CCDC110: variants seen among roughly 807,000 people sequenced by gnomAD.
CCDC110 encodes the protein coiled-coil domain-containing protein 110.
Under a neutral mutation model 77.1 loss-of-function variants are expected in CCDC110, and 70 were observed. The ratio of observed to expected loss-of-function variants is 0.91; its 90% CI spans 0.75 to 1.11. The LOEUF is 1.11. Among genes scored for constraint, CCDC110 ranks in the 50% least tolerant of loss-of-function variants. CCDC110 has a pLI of 0.00. For missense variants in CCDC110, 868 were observed against 942.9 expected (o/e 0.92, Z 1.04); for synonymous variants, 295 against 312.5 (o/e 0.94, Z 0.59).
chr4:185,468,779 C>G lies in CCDC110; in HGVS notation c.115+2166G>C, dbSNP rs73012194. ...CTGCCACTCCAAATATTCCTCCCCCCCTTCTCAGCCTTATGTTCTCCATAG... is the reference window on the plus strand; with the variant it reads ...CTGCCACTCCAAATATTCCTCCCCCGCTTCTCAGCCTTATGTTCTCCATAG... On this transcript the variant is annotated intron_variant, in intron 2 of 6. Transcript: ENST00000307588. The surrounding 1 kb of genome is among the most constrained non-coding windows in gnomAD (Gnocchi z 4.5). 1.8e-4 allele frequency among the ~76,000 whole-genome samples: 28 copies of G among 152,252 alleles called. No individual in the cohort carries two copies. Among genetic ancestry groups the G allele is most frequent in the African/African-American group, 3.6e-4 (15 of 41,504 alleles).
intron 2 of CCDC110, among the ~76,000 whole-genome samples, chr4:185,467,997 G>C (rs952246539): frequency 2.6e-5 from 4 of 152,166 alleles, no homozygotes; most frequent in Non-Finnish European, 4.4e-5. Flanking sequence ...TCAAACTCCT[G>C]ACCTCAGGTG....
At chr4:185,461,494 C>T (rs539582548) in intron 4 of CCDC110, among the ~76,000 whole-genome samples, 5 of 152,168 alleles carry the variant, frequency 3.3e-5, no homozygotes, top group Non-Finnish European at 7.4e-5. Context: ...ATCTTCCCTT[C>T]CTATTTCCCT....
rs201615653 is a variant in CCDC110 at position 185,470,921 on chromosome 4, C to G, written c.115+24G>C. On this transcript the variant is annotated intron_variant, in intron 2 of 6. Coordinates refer to ENST00000307588, the MANE Select transcript of CCDC110 (RefSeq NM_152775.4). Reference sequence around the variant, plus strand: ...TGCCGCCTGTGTATAGTTAAAGGAGCCTTTTACGGTCTGGCGATTTTACCT... The same window carrying G: ...TGCCGCCTGTGTATAGTTAAAGGAGGCTTTTACGGTCTGGCGATTTTACCT... 3.1e-5 allele frequency: 47 copies of G among 1,509,926 alleles called. No individual in the cohort carries two copies. The African/African-American group carries it at 4.1e-4, about 13-fold the overall frequency. The allele number at this position is 1,509,926 out of a possible 1,614,324, so 93.5% of individuals were successfully genotyped here. A position where few individuals can be genotyped will look rare whatever the true frequency, so the allele number is the denominator to read the frequency against.
Position 185,459,843 on chromosome 4 carries a change from C to A in CCDC110, c.744G>T (p.Met248Ile), listed in dbSNP as rs1261916665. The A allele has an allele frequency of 6.2e-7, 1 of 1,613,234 alleles. No individual in the cohort carries two copies. The change falls in exon 6 of 7, where the codon ATG becomes ATT. Residue 248 changes from methionine (M) to isoleucine (I), a missense_variant. By Grantham distance (10) the Met-to-Ile change is conservative (BLOSUM62 1). Coordinates refer to ENST00000307588, the MANE Select transcript of CCDC110 (RefSeq NM_152775.4). ...LDDICHSIKQMKEELQKSHDG... is the reference protein window; with the variant it reads ...LDDICHSIKQIKEELQKSHDG... Reference sequence around the variant, plus strand: ...CATGTGACTTTTGAAGCTCTTCTTTCATTTGTTTGATAGAATGGCAAATGT... The same window carrying A: ...CATGTGACTTTTGAAGCTCTTCTTTAATTTGTTTGATAGAATGGCAAATGT...
At chr4:185,471,509 CAGCGGGTGCTCAGCCCTAGGGCCG>C (rs1221105532) in intron 1 of CCDC110, 141 bp downstream of exon 1, 7 of 684,546 alleles carry the variant, frequency 1.0e-5, no homozygotes, top group Admixed American at 3.3e-5. Flanking sequence ...CAGGGGGCCG[CAGCGGGTGCTCAGCCCTAGGGCCG>C]AGCGGGAGAT....
rs2095639901 is a variant in CCDC110 at position 185,458,580 on chromosome 4, T to C, written c.2007A>G (p.Gln669=). Residue 669 remains glutamine, a synonymous_variant, in exon 6 of 7, where the codon CAA becomes CAG. Coordinates refer to ENST00000307588, the MANE Select transcript of CCDC110 (RefSeq NM_152775.4). ...EREIENIQTY[Q]STAEENFLQE... Reference sequence around the variant, plus strand: ...GCAGAAAATTCTCTTCGGCAGTAGATTGGTAGGTTTGAATATTCTCAATTT... The same window carrying C: ...GCAGAAAATTCTCTTCGGCAGTAGACTGGTAGGTTTGAATATTCTCAATTT... 13 of 1,608,260 alleles carry C rather than the reference T, an allele frequency of 8.1e-6. No individual in the cohort carries two copies. Among genetic ancestry groups the C allele is most frequent in the Non-Finnish European group, 9.3e-6 (11 of 1,179,542 alleles).
At chr4:185,446,681 T>C (rs947678286) in intron 6 of CCDC110, among the ~76,000 whole-genome samples, 2 of 151,106 alleles carry the variant, frequency 1.3e-5, no homozygotes, top group African/African-American at 4.9e-5. Flanking sequence ...AAATTTTAAA[T>C]GTTATATAGT....
chr4:185,451,455 G>A (rs1268271584), intron 6 of CCDC110, among the ~76,000 whole-genome samples: 2 of 152,128 alleles, frequency 1.3e-5, no homozygotes, highest in Admixed American at 6.5e-5. Context: ...AGTGCAGATG[G>A]TACAGATAAT....
Position 185,458,779 on chromosome 4 carries a change from CCAAGTGAG to C in CCDC110, c.1800_1807del (p.Ser600ArgfsTer3). The C allele has an allele frequency of 6.2e-7, 1 of 1,610,412 alleles. No homozygotes were observed. The highest frequency in any genetic ancestry group is 8.5e-7 in the Non-Finnish European group (1 of 1,179,216). On this transcript the variant is annotated frameshift_variant, in exon 6 of 7. Coordinates refer to ENST00000307588, the MANE Select transcript of CCDC110 (RefSeq NM_152775.4). LOFTEE classifies it high-confidence loss of function. ...TAGCTGGCTTTCTTTTAGTTCATTTCCAAGTGAGCTTTTTTCTTTTAGAAGCTGGTGTG... is the reference window on the plus strand; with the variant it reads ...TAGCTGGCTTTCTTTTAGTTCATTTCCTTTTTTCTTTTAGAAGCTGGTGTG...
chr4:185,457,533 A>G (rs964101770), intron 6 of CCDC110, among the ~76,000 whole-genome samples: 1 of 152,184 alleles, frequency 6.6e-6, no homozygotes, highest in Non-Finnish European at 1.5e-5. Flanking sequence ...GAGTCTTGTG[A>G]CTTCCACTAG....
At chr4:185,471,383 G>C (rs1263070730) in intron 1 of CCDC110, 3 of 410,302 alleles carry the variant, frequency 7.3e-6, no homozygotes, top group South Asian at 5.0e-5. Context: ...GCGGAGGGAC[G>C]GCATCAGGCC....
intron 4 of CCDC110, 70 bp from the exon 5 acceptor site, chr4:185,461,229 C>T (rs187908720): frequency 2.4e-4 from 174 of 735,242 alleles, no homozygotes; most frequent in Non-Finnish European, 3.5e-4. Context: ...GAATAATAGA[C>T]ATTATAATTA....
chr4:185,458,122 GT>G lies in CCDC110; in HGVS notation c.2461+3del. On this transcript the variant is annotated splice_donor_region_variant and intron_variant, in intron 6 of 6. Coordinates refer to ENST00000307588, the MANE Select transcript of CCDC110 (RefSeq NM_152775.4). Reference sequence around the variant, plus strand: ...TCTCTACTAATCTACCAGGACTTGCGTACCTTTCAAATCCGAAGCCAAAGGC... The same window carrying G: ...TCTCTACTAATCTACCAGGACTTGCGACCTTTCAAATCCGAAGCCAAAGGC... 6.5e-7 allele frequency: 1 copy of G among 1,534,328 alleles called. No individual in the cohort carries two copies. The highest frequency in any genetic ancestry group is 1.4e-5 in the African/African-American group (1 of 71,444).
Position 185,458,867 on chromosome 4 carries a change from T to C in CCDC110, c.1720A>G (p.Met574Val), listed in dbSNP as rs923763694. ...TGTATCAACAGAATATTGGTTTTCATTGCTTCCATTTCTATACTCATTCGA... is the reference window on the plus strand; with the variant it reads ...TGTATCAACAGAATATTGGTTTTCACTGCTTCCATTTCTATACTCATTCGA... Reference protein sequence around the residue: ...NNRMSIEMEAMKTNILLIQDE... With the variant: ...NNRMSIEMEAVKTNILLIQDE... Residue 574 changes from methionine to valine, a missense_variant, in exon 6 of 7, where the codon ATG becomes GTG. Coordinates refer to ENST00000307588, the MANE Select transcript of CCDC110 (RefSeq NM_152775.4). 7 of 1,605,106 alleles carry C rather than the reference T, an allele frequency of 4.4e-6. No individual in the cohort carries two copies. Among genetic ancestry groups the C allele is most frequent in the Non-Finnish European group, 5.9e-6 (7 of 1,178,154 alleles).
At chr4:185,469,298 CT>C (rs1480520965) in intron 2 of CCDC110, among the ~76,000 whole-genome samples, 4 of 152,238 alleles carry the variant, frequency 2.6e-5, no homozygotes, top group South Asian at 2.1e-4. Context: ...TGGGTGGCCC[CT>C]GACTCAAGAT....
chr4:185,449,242 G>A (rs1445288160), intron 6 of CCDC110, among the ~76,000 whole-genome samples: 1 of 152,044 alleles, frequency 6.6e-6, no homozygotes, highest in Non-Finnish European at 1.5e-5. Flanking sequence ...GTACAGATAG[G>A]CTGGGCGTGT....
intron 6 of CCDC110, among the ~76,000 whole-genome samples, chr4:185,448,240 C>T (rs1231905549): frequency 1.3e-5 from 2 of 152,070 alleles, no homozygotes; most frequent in African/African-American, 2.4e-5. Flanking sequence ...AGGCTGGTCT[C>T]GAACTCCTGA....
intron 2 of CCDC110, among the ~76,000 whole-genome samples, chr4:185,464,465 C>T (rs527766970): frequency 6.6e-6 from 1 of 152,288 alleles, no homozygotes; most frequent in East Asian, 1.9e-4. Flanking sequence ...TTTGCCTCTT[C>T]TTGGGAATAA....
intron 6 of CCDC110, chr4:185,457,821 G>GAA (rs751055245): frequency 3.7e-5 from 46 of 1,246,130 alleles, no homozygotes; most frequent in Middle Eastern, 2.0e-4. Context: ...AATTCCTAGG[G>GAA]AAAAAAAAAA....
Sources: gnomAD v4.1 joint callset for allele counts (sites outside exome capture counted in the v4.1 genomes callset) on GRCh38, gnomAD v4.1.1 for gene constraint, Gnocchi (gnomAD v3.1) non-coding constraint, MANE v1.5 for transcripts, NCBI Gene and HGNC (gene_info 2026-07-23, HGNC 2026-07-21) for gene names.